The following RNF17 variants were observed in gnomAD, a reference collection of about 807,000 sequenced individuals.
RNF17 encodes spermatogenesis associated 23.
Under a neutral mutation model 200.5 loss-of-function variants are expected in RNF17, and 31 were observed. The observed-to-expected ratio is 0.15, with a 90% CI of 0.12 to 0.21. The LOEUF (loss-of-function observed/expected upper bound fraction) is 0.21. RNF17 is among the 10% of genes least tolerant of loss of function. The pLI is 1.00. For synonymous variants in RNF17, 606 were observed against 637.8 expected (o/e 0.95, Z 0.75); for missense variants, 1,628 against 1,905.1 (o/e 0.85, Z 2.71).
upstream of RNF17, chr13:24,764,157 C>A (rs200463425): frequency 8.5e-6 from 13 of 1,532,842 alleles, no homozygotes; most frequent in Non-Finnish European, 1.1e-5. Context: ...GCCGCGAGGG[C>A]CGCCGGGACT....
downstream of RNF17, chr13:24,883,400 A>C (rs1363711501): frequency 1.1e-6 from 1 of 942,838 alleles, no homozygotes. Flanking sequence ...ATGATTTCTT[A>C]AAAAAAAAAT....
intron 34 of RNF17, 78 bp from the exon 35 acceptor site, chr13:24,879,109 T>G: frequency 9.6e-7 from 1 of 1,046,702 alleles, no homozygotes; most frequent in Non-Finnish European, 1.5e-6. Flanking sequence ...TTCACACCCG[T>G]GTGAATGGCC....
At chr13:24,866,102 A>G (rs749718127) in intron 29 of RNF17, 42 bp from the exon 30 acceptor site, 50 of 1,085,988 alleles carry the variant, frequency 4.6e-5, no homozygotes, top group Non-Finnish European at 6.4e-5. Flanking sequence ...CCTTAAAACA[A>G]TATAGCTAAA....
chr13:24,827,087 G>A (rs1037437619), intron 16 of RNF17, among the ~76,000 whole-genome samples: 19 of 151,550 alleles, frequency 1.3e-4, no homozygotes, highest in African/African-American at 1.5e-4. Context: ...AAGTCACCAC[G>A]CCCGGCTAAT....
At chr13:24,779,150 T>G (rs987198113) in intron 4 of RNF17, among the ~76,000 whole-genome samples, 1 of 151,522 alleles carries the variant, frequency 6.6e-6, no homozygotes. Flanking sequence ...TGAGCAGAGA[T>G]AGCATCACTG....
intron 22 of RNF17, among the ~76,000 whole-genome samples, chr13:24,850,055 A>C (rs1327590197): frequency 6.6e-6 from 1 of 152,202 alleles, no homozygotes; most frequent in African/African-American, 2.4e-5. Context: ...AAAGTATTTA[A>C]AATATACCTG....
At chr13:24,850,810 T>G (rs1891802023) in intron 23 of RNF17, among the ~76,000 whole-genome samples, 1 of 152,218 alleles carries the variant, frequency 6.6e-6, no homozygotes, top group African/African-American at 2.4e-5. Flanking sequence ...TTTGATTCTC[T>G]AATTTACGAG....
At chr13:24,797,916 A>T (rs1372505833) in intron 11 of RNF17, among the ~76,000 whole-genome samples, 1 of 152,180 alleles carries the variant, frequency 6.6e-6, no homozygotes, top group Admixed American at 6.5e-5. Flanking sequence ...ATACAAATAC[A>T]TGACAATAAA....
chr13:24,866,506 T>C (rs1893637701), intron 30 of RNF17, among the ~76,000 whole-genome samples: 1 of 152,228 alleles, frequency 6.6e-6, no homozygotes, highest in South Asian at 2.1e-4. Context: ...ATCCTGTGCA[T>C]GTCATATAAA....
chr13:24,857,799 G>A (rs1243141532), intron 25 of RNF17, among the ~76,000 whole-genome samples: 2 of 152,184 alleles, frequency 1.3e-5, no homozygotes, highest in African/African-American at 2.4e-5. Flanking sequence ...TCAGGAAACT[G>A]AGGCAGGAGG....
chr13:24,813,624 T>C (rs77743184), intron 15 of RNF17, among the ~76,000 whole-genome samples: 1 of 151,848 alleles, frequency 6.6e-6, no homozygotes, highest in Non-Finnish European at 1.5e-5. Context: ...TATTTGCGTG[T>C]AACTACTTTT....
At chr13:24,847,525 T>C (rs554274205) in intron 22 of RNF17, among the ~76,000 whole-genome samples, 2 of 152,138 alleles carry the variant, frequency 1.3e-5, no homozygotes, top group East Asian at 3.9e-4. Context: ...TTTGTATTTT[T>C]AGTAGAGATG....
chr13:24,803,471 G>A (rs1447005626), intron 14 of RNF17, among the ~76,000 whole-genome samples: 1 of 152,126 alleles, frequency 6.6e-6, no homozygotes, highest in African/African-American at 2.4e-5. Context: ...GCTAATTTTT[G>A]TATTTTTAGC....
chr13:24,797,745 T>TG (rs61047281), intron 11 of RNF17, among the ~76,000 whole-genome samples: 4 of 151,414 alleles, frequency 2.6e-5, no homozygotes, highest in Admixed American at 6.6e-5. Context: ...TGTGTGTGTG[T>TG]TTACCCTGCA....
At chr13:24,757,143 G>T in the RNF17 span, among the ~76,000 whole-genome samples, 6 of 151,972 alleles carry the variant, frequency 3.9e-5, no homozygotes, top group Non-Finnish European at 5.9e-5. Flanking sequence ...ACAATGAAAA[G>T]GTGAATTTAT....
the RNF17 span, among the ~76,000 whole-genome samples, chr13:24,755,522 G>C: frequency 1.3e-5 from 2 of 152,156 alleles, no homozygotes; most frequent in Non-Finnish European, 1.5e-5. Flanking sequence ...TTCCATACTG[G>C]ATTACATCGA....
At chr13:24,760,288 A>T (rs1168419546), upstream of RNF17, among the ~76,000 whole-genome samples, 4 of 152,224 alleles carry the variant, frequency 2.6e-5, no homozygotes, top group Non-Finnish European at 4.4e-5. Context: ...GCCTAGTCAC[A>T]TTATCCAACG....
At chr13:24,771,321 A>ATTTTTTT (rs750139413) in intron 2 of RNF17, among the ~76,000 whole-genome samples, 4 of 72,916 alleles carry the variant, frequency 5.5e-5, no homozygotes, top group African/African-American at 9.7e-5. Context: ...CACACAGATA[A>ATTTTTTT]TCTTTTTTTT....
chr13:24,850,281 G>A (rs768272124), intron 22 of RNF17, 60 bp from the exon 23 acceptor site: 30 of 1,061,704 alleles, frequency 2.8e-5, no homozygotes, highest in South Asian at 9.6e-5. Context: ...AGTGTTTTTT[G>A]TATATTTCAA....
Sources: allele counts gnomAD v4.1 joint callset (sites outside exome capture counted in the v4.1 genomes callset), GRCh38; gene constraint gnomAD v4.1.1; transcripts MANE v1.5; gene names NCBI Gene and HGNC (gene_info 2026-07-23, HGNC 2026-07-21).